The following TAFA5 variants were observed in gnomAD, a reference collection of about 807,000 sequenced individuals.
TAFA5 encodes the protein chemokine-like protein TAFA-5.
In TAFA5, 6 loss-of-function variants were observed where a neutral mutation model predicts 15.3. The ratio of observed to expected loss-of-function variants is 0.39; its 90% CI spans 0.21 to 0.77. The LOEUF is 0.77. Among genes scored for constraint, TAFA5 ranks in the 30% least tolerant of loss-of-function variants. The probability of loss-of-function intolerance (pLI) is 0.41; values close to 1 mark genes in which losing one functional copy is unlikely to be tolerated. For missense variants in TAFA5, 161 were observed against 193.1 expected (o/e 0.83, Z 0.98); for synonymous variants, 103 against 80.7 (o/e 1.28, Z -1.48).
In TAFA5 at chr22:48,560,582, AT is replaced by A. The variant is rs1362937156; in HGVS notation, c.112+70880del. 2.2e-4 allele frequency among the ~76,000 whole-genome samples: 19 copies of A among 86,726 alleles called. No individual in the cohort carries two copies. The highest frequency in any genetic ancestry group is 6.1e-4 in the East Asian group (2 of 3,300). 56.9% of individuals were successfully genotyped at this position (86,726 alleles called of 152,430 possible). ...AACGTTGTATTTTATTATTATTATT[AT>A]TATTATTATATTATTATTATTAATT... On this transcript the variant is annotated intron_variant, in intron 1 of 3. Transcript: ENST00000402357. The surrounding 1 kb of genome is among the most constrained non-coding windows in gnomAD (Gnocchi z 4.2).
At chr22:48,669,289 AAGG>A (rs1364736416) in intron 2 of TAFA5, among the ~76,000 whole-genome samples, 1 of 152,222 alleles carries the variant, frequency 6.6e-6, no homozygotes, top group Non-Finnish European at 1.5e-5. Flanking sequence ...AACTCTGAAA[AAGG>A]AGAAGGTGGC....
At chr22:48,630,420 G>A (rs778644376) in intron 1 of TAFA5, among the ~76,000 whole-genome samples, 4 of 152,180 alleles carry the variant, frequency 2.6e-5, no homozygotes, top group Non-Finnish European at 4.4e-5. Flanking sequence ...CTGCTGCCTC[G>A]GCCCTGGCTT....
At position 48,598,556 on chromosome 22, in the gene TAFA5, A is replaced by G. The variant is rs1199284174; in HGVS notation, c.113-48041A>G. Among the ~76,000 whole-genome samples, 2 of 152,256 alleles carry G rather than the reference A, an allele frequency of 1.3e-5. No homozygotes were observed. Among genetic ancestry groups the G allele is most frequent in the African/African-American group, 4.8e-5 (2 of 41,550 alleles). On this transcript the variant is annotated intron_variant, in intron 1 of 3. Coordinates refer to ENST00000402357, the MANE Select transcript of TAFA5 (RefSeq NM_001082967.3). The surrounding 1 kb of genome is among the most constrained non-coding windows in gnomAD (Gnocchi z 4.0). ...GCTGCATCTTAGGCAGTTGTGTGAGATGACCTCCATGTAGGCTGCCATGGT... is the reference window on the plus strand; with the variant it reads ...GCTGCATCTTAGGCAGTTGTGTGAGGTGACCTCCATGTAGGCTGCCATGGT...
intron 1 of TAFA5, among the ~76,000 whole-genome samples, chr22:48,638,822 C>G (rs1220573923): frequency 7.1e-6 from 1 of 141,484 alleles, no homozygotes; most frequent in Non-Finnish European, 1.5e-5. Flanking sequence ...GACCCCGACA[C>G]TAAGCCCTGG....
chr22:48,710,997 A>T (rs79799), intron 3 of TAFA5, among the ~76,000 whole-genome samples: 1 of 151,720 alleles, frequency 6.6e-6, no homozygotes, highest in South Asian at 2.1e-4. Flanking sequence ...TGAGACCCCA[A>T]GTGGCTTTCA....
chr22:48,658,490 G>C (rs527288035), intron 2 of TAFA5, among the ~76,000 whole-genome samples: 1 of 152,358 alleles, frequency 6.6e-6, no homozygotes, highest in East Asian at 1.9e-4. Context: ...TGCATCTTGC[G>C]TGAGTGACGG....
intron 1 of TAFA5, among the ~76,000 whole-genome samples, chr22:48,573,983 G>T (rs1923673690): frequency 6.6e-6 from 1 of 152,204 alleles, no homozygotes; most frequent in Admixed American, 6.5e-5. Flanking sequence ...GGAGCCCTGT[G>T]CCAGGTGAGG....
intron 1 of TAFA5, chr22:48,544,515 T>A: frequency 2.7e-6 from 1 of 368,136 alleles, no homozygotes; most frequent in Non-Finnish European, 5.5e-6. Flanking sequence ...TAATCTGGGC[T>A]TTTTTCAAAT....
intron 2 of TAFA5, among the ~76,000 whole-genome samples, chr22:48,705,002 C>T (rs1369662417): frequency 6.6e-6 from 1 of 151,842 alleles, no homozygotes; most frequent in Non-Finnish European, 1.5e-5. Flanking sequence ...AGAGAGACAG[C>T]GAGCACACAT....
intron 1 of TAFA5, among the ~76,000 whole-genome samples, chr22:48,509,517 C>A (rs531705483): frequency 6.6e-6 from 1 of 152,190 alleles, no homozygotes; most frequent in East Asian, 1.9e-4. Flanking sequence ...ATTATTCTAA[C>A]TGGGTGAGTT....
chr22:48,664,041 A>G (rs1317832635), intron 2 of TAFA5, among the ~76,000 whole-genome samples: 1 of 151,602 alleles, frequency 6.6e-6, no homozygotes, highest in Non-Finnish European at 1.5e-5. Flanking sequence ...TCCATGAAGG[A>G]AACAGACCTC....
intron 1 of TAFA5, among the ~76,000 whole-genome samples, chr22:48,593,464 GCTGT>G (rs1924648286): frequency 6.6e-6 from 1 of 152,040 alleles, no homozygotes. Flanking sequence ...TTCTGAGCTG[GCTGT>G]CTGGGCTCGG....
At chr22:48,663,762 C>T (rs1927523929) in intron 2 of TAFA5, among the ~76,000 whole-genome samples, 1 of 152,190 alleles carries the variant, frequency 6.6e-6, no homozygotes, top group Non-Finnish European at 1.5e-5. Flanking sequence ...TCACACTGTC[C>T]AAGTCAGCTG....
At chr22:48,691,434 A>G (rs1928538124) in intron 2 of TAFA5, among the ~76,000 whole-genome samples, 1 of 152,182 alleles carries the variant, frequency 6.6e-6, no homozygotes, top group South Asian at 2.1e-4. Flanking sequence ...GAAGATGGAG[A>G]CGTGGCCAGG....
At chr22:48,518,934 G>T (rs978211031) in intron 1 of TAFA5, among the ~76,000 whole-genome samples, 1 of 152,164 alleles carries the variant, frequency 6.6e-6, no homozygotes, top group East Asian at 1.9e-4. Flanking sequence ...GTGACCAGGC[G>T]GCCGGCGGTC....
intron 3 of TAFA5, among the ~76,000 whole-genome samples, chr22:48,743,377 G>A (rs957549690): frequency 6.6e-6 from 1 of 152,182 alleles, no homozygotes; most frequent in Non-Finnish European, 1.5e-5. Flanking sequence ...CTGTGTGTTT[G>A]CCCTGAGTCC....
At chr22:48,526,020 C>T (rs1921770508) in intron 1 of TAFA5, among the ~76,000 whole-genome samples, 1 of 152,232 alleles carries the variant, frequency 6.6e-6, no homozygotes, top group Non-Finnish European at 1.5e-5. Context: ...TACTGGGCAC[C>T]AGCCTTGGCA....
At chr22:48,545,099 A>G in intron 1 of TAFA5, 1 of 354,672 alleles carries the variant, frequency 2.8e-6, no homozygotes, top group South Asian at 2.1e-5. Context: ...TTCCCGGATC[A>G]TGAGGTTCTA....
At chr22:48,629,501 C>G (rs1601627009) in intron 1 of TAFA5, among the ~76,000 whole-genome samples, 2 of 152,364 alleles carry the variant, frequency 1.3e-5, no homozygotes, top group East Asian at 3.9e-4. Context: ...CCACCTCCTT[C>G]CTGTGTCCCC....
Sources: allele counts gnomAD v4.1 joint callset (sites outside exome capture counted in the v4.1 genomes callset), GRCh38; gene constraint gnomAD v4.1.1; non-coding constraint Gnocchi (gnomAD v3.1); transcripts MANE v1.5; gene names NCBI Gene and HGNC (gene_info 2026-07-23, HGNC 2026-07-21).